Variants in NTRK3 observed in about 807,000 individuals in gnomAD.
The protein encoded by NTRK3 is NT-3 growth factor receptor.
A neutral mutation model predicts 91.7 loss-of-function variants in NTRK3; 24 were observed. The ratio of observed to expected loss-of-function variants is 0.26; its 90% CI spans 0.19 to 0.37. The LOEUF (loss-of-function observed/expected upper bound fraction) is 0.37. NTRK3 is among the 10% of genes least tolerant of loss of function. The pLI is 1.00. For missense variants in NTRK3, 880 were observed against 1,068.9 expected (o/e 0.82, Z 2.46); for synonymous variants, 483 against 404.0 (o/e 1.20, Z -2.34).
intron 13 of NTRK3, among the ~76,000 whole-genome samples, chr15:88,109,208 G>T (rs1201811599): frequency 6.6e-6 from 1 of 152,188 alleles, no homozygotes; most frequent in Non-Finnish European, 1.5e-5. Context: ...CCGCAAGCAG[G>T]CTGGGTCATT....
chr15:88,221,294 A>G (rs1386666188), intron 3 of NTRK3, among the ~76,000 whole-genome samples: 1 of 152,214 alleles, frequency 6.6e-6, no homozygotes, highest in East Asian at 1.9e-4. Flanking sequence ...ATGATGATGG[A>G]TGGACAACTT....
intron 13 of NTRK3, among the ~76,000 whole-genome samples, chr15:88,101,784 A>G (rs199861383): frequency 2.0e-5 from 3 of 152,064 alleles, no homozygotes; most frequent in Admixed American, 6.6e-5. Flanking sequence ...ACCAAACACC[A>G]CATGTTCTCA....
chr15:87,961,921 A>G (rs1225626009), intron 14 of NTRK3, among the ~76,000 whole-genome samples: 1 of 152,262 alleles, frequency 6.6e-6, no homozygotes, highest in Non-Finnish European at 1.5e-5. Context: ...GGAGCATACC[A>G]GAGAGGTGGG....
intron 3 of NTRK3, among the ~76,000 whole-genome samples, chr15:88,238,055 G>T (rs866424755): frequency 3.3e-5 from 5 of 152,024 alleles, no homozygotes; most frequent in African/African-American, 1.2e-4. Flanking sequence ...AGGAGATTAG[G>T]ACACAGGCAC....
intron 12 of NTRK3, among the ~76,000 whole-genome samples, chr15:88,126,778 C>G (rs1400237171): frequency 1.3e-5 from 2 of 152,174 alleles, no homozygotes; most frequent in East Asian, 3.9e-4. Flanking sequence ...AATCCTTTCT[C>G]CTCCTCCCCA....
chr15:88,067,288 C>G (rs2046733914), intron 13 of NTRK3, among the ~76,000 whole-genome samples: 1 of 152,168 alleles, frequency 6.6e-6, no homozygotes, highest in African/African-American at 2.4e-5. Context: ...TATTTATCCA[C>G]AGAGTCTCCT....
chr15:88,042,464 C>G (rs1398185465), intron 13 of NTRK3, among the ~76,000 whole-genome samples: 1 of 152,146 alleles, frequency 6.6e-6, no homozygotes, highest in African/African-American at 2.4e-5. Flanking sequence ...TCTGTGGTCT[C>G]CGGGGCACAT....
At chr15:88,156,801 C>A (rs758702080) in intron 5 of NTRK3, among the ~76,000 whole-genome samples, 1 of 152,158 alleles carries the variant, frequency 6.6e-6, no homozygotes, top group Non-Finnish European at 1.5e-5. Flanking sequence ...TGAAGACAAC[C>A]TTTTCTTTTT....
chr15:88,088,739 T>G (rs1325599842), intron 13 of NTRK3, among the ~76,000 whole-genome samples: 1 of 152,132 alleles, frequency 6.6e-6, no homozygotes, highest in Non-Finnish European at 1.5e-5. Flanking sequence ...TGAGCTAGTA[T>G]TTATAATTCA....
intron 6 of NTRK3, chr15:88,143,797 C>G (rs2042619732): frequency 6.6e-6 from 1 of 152,238 alleles, no homozygotes; most frequent in Admixed American, 6.5e-5. Flanking sequence ...CAGCCCAAAC[C>G]CATCCCCGCT....
rs1209791281 is a variant in NTRK3, at chr15:87,880,262, C to G, written c.2292+8G>C. 1.9e-6 allele frequency: 3 copies of G among 1,614,040 alleles called. No individual in the cohort carries two copies. The highest frequency in any genetic ancestry group is 2.5e-6 in the Non-Finnish European group (3 of 1,180,006). ...CCCAATCAAGATTCCTACGCACCCC[C>G]TTTTTACCTCCGTGTTTGAGAGTTG... On this transcript the variant is annotated splice_region_variant and intron_variant, in intron 18 of 18. Transcript: ENST00000394480.
At chr15:88,016,063 T>C (rs1482753780) in intron 14 of NTRK3, among the ~76,000 whole-genome samples, 1 of 152,072 alleles carries the variant, frequency 6.6e-6, no homozygotes, top group Non-Finnish European at 1.5e-5. Flanking sequence ...TGTCTGCGTA[T>C]GTTATTAGCC....
intron 3 of NTRK3, among the ~76,000 whole-genome samples, chr15:88,254,792 C>T (rs1330152262): frequency 6.6e-6 from 1 of 152,148 alleles, no homozygotes; most frequent in African/African-American, 2.4e-5. Flanking sequence ...TGCTGAGGGT[C>T]CCCAAGGGCT....
chr15:87,866,598 T>C, exon 19 of NTRK3: 1 of 182,674 alleles, frequency 5.5e-6, no homozygotes, highest in East Asian at 8.9e-5. Context: ...GTTATTTGTG[T>C]TTTTCAGAGC....
intron 13 of NTRK3, among the ~76,000 whole-genome samples, chr15:88,090,546 C>T (rs2048926614): frequency 6.6e-6 from 1 of 152,118 alleles, no homozygotes; most frequent in African/African-American, 2.4e-5. Context: ...GGTAGGAAAT[C>T]CTTAATGCAA....
chr15:87,977,498 G>A (rs905864509), intron 14 of NTRK3: 4 of 223,952 alleles, frequency 1.8e-5, no homozygotes, highest in Non-Finnish European at 3.6e-5. Flanking sequence ...GGGATGGATG[G>A]AGCCTGGGAG....
chr15:88,107,396 T>A (rs991180444), intron 13 of NTRK3, among the ~76,000 whole-genome samples: 2 of 152,172 alleles, frequency 1.3e-5, no homozygotes, highest in Non-Finnish European at 2.9e-5. Flanking sequence ...AGAGCTGTGA[T>A]CACATTACTG....
At chr15:87,998,067 G>A (rs1158667925) in intron 14 of NTRK3, among the ~76,000 whole-genome samples, 3 of 152,186 alleles carry the variant, frequency 2.0e-5, no homozygotes, top group Non-Finnish European at 2.9e-5. Flanking sequence ...TTGGTTTTGG[G>A]GGGCTGTCCT....
intron 17 of NTRK3, among the ~76,000 whole-genome samples, chr15:87,921,231 T>C (rs2067843656): frequency 6.6e-6 from 1 of 152,180 alleles, no homozygotes; most frequent in Admixed American, 6.5e-5. Flanking sequence ...ATGATTACGA[T>C]ATTTCAAAAA....
Sources: gnomAD v4.1 joint callset for allele counts (sites outside exome capture counted in the v4.1 genomes callset) on GRCh38, gnomAD v4.1.1 for gene constraint, MANE v1.5 for transcripts, NCBI Gene and HGNC (gene_info 2026-07-23, HGNC 2026-07-21) for gene names.